Variants in IGFBP7 observed in about 807,000 individuals in gnomAD.
IGFBP7 encodes the protein insulin like growth factor binding protein 7, also known as insulin-like growth factor-binding protein 7.
Under a neutral mutation model 29.4 loss-of-function variants are expected in IGFBP7, and 31 were observed. The observed-to-expected ratio is 1.05, with a 90% confidence interval of 0.79 to 1.42. The LOEUF is 1.42. Ranked by LOEUF, IGFBP7 falls within the 40% of genes most tolerant of loss-of-function variation. The probability of loss-of-function intolerance (pLI) is 0.00; values close to 1 mark genes in which losing one functional copy is unlikely to be tolerated. For synonymous variants in IGFBP7, 172 were observed against 174.9 expected (o/e 0.98, Z 0.13); for missense variants, 393 against 395.5 (o/e 0.99, Z 0.05).
intron 1 of IGFBP7, among the ~76,000 whole-genome samples, chr4:57,053,213 C>T (rs564851389): frequency 2.0e-5 from 3 of 152,232 alleles, no homozygotes; most frequent in African/African-American, 7.2e-5. Flanking sequence ...GATGGAGTTT[C>T]ACCATGTTGA....
chr4:57,063,706 A>G lies in IGFBP7; in HGVS notation c.476-22773T>C, dbSNP rs17087458. Among the ~76,000 whole-genome samples the G allele has an allele frequency of 1.2e-3, 190 of 152,282 alleles. 2 individuals are homozygous for G. The highest frequency in any genetic ancestry group is 4.2e-3 in the African/African-American group (173 of 41,570). On this transcript the variant is annotated intron_variant, in intron 1 of 4. Transcript: ENST00000295666. ...CAGAGATTTTGATTAACTGTGACCT[A>G]TTTACAAATTGGTCCTCAGCTGTTT...
intron 1 of IGFBP7, among the ~76,000 whole-genome samples, chr4:57,075,367 C>T (rs530993023): frequency 5.3e-4 from 81 of 152,200 alleles, no homozygotes; most frequent in Non-Finnish European, 7.9e-4. Flanking sequence ...TTCATTGTTT[C>T]CTTAATCTGT....
At chr4:57,096,395 T>C (rs1725764690) in intron 1 of IGFBP7, among the ~76,000 whole-genome samples, 1 of 151,578 alleles carries the variant, frequency 6.6e-6, no homozygotes, top group Non-Finnish European at 1.5e-5. Context: ...AAAAAGTGAC[T>C]TGAAGTCTTT....
At position 57,031,303 on chromosome 4, in the gene IGFBP7, A is replaced by C. The variant is rs1723917593; in HGVS notation, c.*14T>G. On this transcript the variant is annotated 3_prime_UTR_variant, in exon 5 of 5. Transcript: ENST00000295666. ...ACTACTTTTAACCATGCAGACTAAT[A>C]ATATTCTGGAGGTTTATAGCTCGGC... 1 of 1,601,296 alleles carries C rather than the reference A, an allele frequency of 6.2e-7. No homozygotes were observed. Among genetic ancestry groups the C allele is most frequent in the African/African-American group, 1.3e-5 (1 of 74,810 alleles).
intron 1 of IGFBP7, among the ~76,000 whole-genome samples, chr4:57,093,122 T>A (rs1239941441): frequency 6.6e-6 from 1 of 152,100 alleles, no homozygotes; most frequent in Non-Finnish European, 1.5e-5. Flanking sequence ...TTAGTGAAAA[T>A]AAAATGAAAT....
chr4:57,051,870 T>C (rs1424422691), intron 1 of IGFBP7, among the ~76,000 whole-genome samples: 1 of 152,220 alleles, frequency 6.6e-6, no homozygotes, highest in Non-Finnish European at 1.5e-5. Context: ...AGCTGTTGCT[T>C]TTCATTTCAG....
intron 1 of IGFBP7, among the ~76,000 whole-genome samples, chr4:57,042,583 A>G (rs573761715): frequency 6.6e-6 from 1 of 152,324 alleles, no homozygotes; most frequent in African/African-American, 2.4e-5. Context: ...CCTGAGCTCA[A>G]GCGATCCCCC....
chr4:57,079,159 T>C (rs1725300866), intron 1 of IGFBP7, among the ~76,000 whole-genome samples: 1 of 116,410 alleles, frequency 8.6e-6, no homozygotes, highest in African/African-American at 2.5e-5. Flanking sequence ...TATTTCTCTT[T>C]GCTGTCTTCT....
At chr4:57,077,022 C>T (rs550814907) in intron 1 of IGFBP7, among the ~76,000 whole-genome samples, 17 of 152,154 alleles carry the variant, frequency 1.1e-4, no homozygotes, top group South Asian at 8.3e-4. Context: ...TTATTTTAAA[C>T]GCTAACCTCA....
intron 1 of IGFBP7, among the ~76,000 whole-genome samples, chr4:57,084,245 G>A (rs1044649485): frequency 2.0e-5 from 3 of 152,100 alleles, no homozygotes; most frequent in Admixed American, 1.3e-4. Flanking sequence ...TAAGTATGTG[G>A]CTTATCATCT....
chr4:57,088,433 C>T (rs916728473), intron 1 of IGFBP7, among the ~76,000 whole-genome samples: 1 of 152,162 alleles, frequency 6.6e-6, no homozygotes, highest in African/African-American at 2.4e-5. Context: ...TCATTTTCTC[C>T]ATATAATACC....
At position 57,110,204 on chromosome 4, in the gene IGFBP7, G is replaced by A; in HGVS notation, c.148C>T (p.Leu50=). ...CCGCACGCGTCGCGGGTCTCGCCCAGCAGGCAGCCCAGCGGGGGCAGGGGC... is the reference window on the plus strand; with the variant it reads ...CCGCACGCGTCGCGGGTCTCGCCCAACAGGCAGCCCAGCGGGGGCAGGGGC... The part of the protein sequence containing the change: ...CPPLPPLGCL[L]GETRDACGCC... Residue 50 remains leucine (L), a synonymous_variant, in exon 1 of 5, where the codon CTG becomes TTG. Transcript: ENST00000295666. 2 of 1,381,482 alleles carry A rather than the reference G, an allele frequency of 1.4e-6. No individual in the cohort carries two copies. Among genetic ancestry groups the A allele is most frequent in the Admixed American group, 3.6e-5 (1 of 28,058 alleles). The allele number at this position is 1,381,482 out of a possible 1,614,324, so 85.6% of individuals were successfully genotyped here. A position where few individuals can be genotyped will look rare whatever the true frequency, so the allele number is the denominator to read the frequency against.
At chr4:57,035,893 T>C (rs1433842338) in intron 2 of IGFBP7, among the ~76,000 whole-genome samples, 1 of 152,224 alleles carries the variant, frequency 6.6e-6, no homozygotes, top group African/African-American at 2.4e-5. Flanking sequence ...ACAATCTATT[T>C]AGAAAGTAAT....
At chr4:57,077,091 G>A (rs144618365) in intron 1 of IGFBP7, among the ~76,000 whole-genome samples, 17 of 151,748 alleles carry the variant, frequency 1.1e-4, no homozygotes, top group South Asian at 4.2e-4. Context: ...TTCAAAATAT[G>A]TACTCTGTAT....
At chr4:57,092,605 T>C (rs2109796613) in intron 1 of IGFBP7, among the ~76,000 whole-genome samples, 1 of 151,914 alleles carries the variant, frequency 6.6e-6, no homozygotes. Flanking sequence ...TAGGAGATAA[T>C]GTGTCTGAAT....
chr4:57,078,730 C>G (rs554359681), intron 1 of IGFBP7, among the ~76,000 whole-genome samples: 1 of 151,420 alleles, frequency 6.6e-6, no homozygotes, highest in Admixed American at 6.6e-5. Context: ...TTGATCTTTG[C>G]TTTTTATGCA....
intron 1 of IGFBP7, among the ~76,000 whole-genome samples, chr4:57,105,895 C>G (rs544987825): frequency 7.0e-6 from 1 of 143,108 alleles, no homozygotes; most frequent in East Asian, 2.1e-4. Flanking sequence ...TAGGTAACAG[C>G]CCATTTTTTA....
In IGFBP7 at chr4:57,070,009, AG is replaced by A. The variant is rs534293821; in HGVS notation, c.476-29077del. On this transcript the variant is annotated intron_variant, in intron 1 of 4. Coordinates refer to ENST00000295666, the MANE Select transcript of IGFBP7 (RefSeq NM_001553.3). ...GGCAGGAGAATTGCTTGAACCCCAG[AG>A]GCAGAGGTTGCAGTGAGCCGGAATC... 1.2e-4 allele frequency among the ~76,000 whole-genome samples: 18 copies of A among 152,302 alleles called. No homozygotes were observed. In the South Asian group the frequency reaches 3.7e-3, roughly 32 times the overall value.
Position 57,044,851 on chromosome 4 carries a change from C to T in IGFBP7, c.476-3918G>A, listed in dbSNP as rs78619511. ...TCTTACTATTCCAAGAAGCAGAACA[C>T]TCTAGGACAAGTAAGAATTCTTTTT... On this transcript the variant is annotated intron_variant, in intron 1 of 4. Transcript: ENST00000295666. Among the ~76,000 whole-genome samples, 294 of 152,306 alleles carry T rather than the reference C, an allele frequency of 1.9e-3. 1 individual carries two copies. The highest frequency in any genetic ancestry group is 6.9e-3 in the African/African-American group (287 of 41,568).
Sources: gnomAD v4.1 joint callset for allele counts (sites outside exome capture counted in the v4.1 genomes callset) on GRCh38, gnomAD v4.1.1 for gene constraint, MANE v1.5 for transcripts, NCBI Gene and HGNC (gene_info 2026-07-23, HGNC 2026-07-21) for gene names.